The following USH2A variants were observed in gnomAD, a reference collection of about 807,000 sequenced individuals.
USH2A encodes Usher syndrome 2A (autosomal recessive, mild).
USH2A carries 443 observed loss-of-function variants against 538.9 expected under a neutral mutation model. The ratio of observed to expected loss-of-function variants is 0.82; its 90% CI spans 0.76 to 0.89. The LOEUF (loss-of-function observed/expected upper bound fraction) is 0.89, where lower values mean the gene tolerates loss of function less well. USH2A is among the 40% of genes least tolerant of loss of function. The pLI, the probability that USH2A is intolerant of heterozygous loss-of-function variation, is 0.00. For synonymous variants in USH2A, 2,413 were observed against 2,273.5 expected, an observed-to-expected ratio of 1.06 and a Z score of -1.75; for missense variants, 6,633 against 6,324.8, an observed-to-expected ratio of 1.05 and a Z score of -1.65.
At chr1:215,759,489 G>T (rs909006926) in intron 57 of USH2A, among the ~76,000 whole-genome samples, 171 bp downstream of exon 57, 10 of 151,874 alleles carry the variant, frequency 6.6e-5, no homozygotes, top group Admixed American at 2.6e-4. Flanking sequence ...AAGAAATTTC[G>T]TGAAGTCTAA....
chr1:216,278,230 C>T (rs2036707329), intron 11 of USH2A, among the ~76,000 whole-genome samples: 2 of 151,982 alleles, frequency 1.3e-5, no homozygotes, highest in Non-Finnish European at 1.5e-5. Flanking sequence ...GAGCTTGTTC[C>T]CAAAAAGATG....
chr1:215,965,863 G>A (rs946911893), intron 36 of USH2A, among the ~76,000 whole-genome samples: 2 of 151,114 alleles, frequency 1.3e-5, no homozygotes, highest in Non-Finnish European at 2.9e-5. Flanking sequence ...GACTTAGGTG[G>A]TAGACTTCTG....
At chr1:215,788,710 A>C (rs2102768626) in intron 51 of USH2A, among the ~76,000 whole-genome samples, 1 of 152,292 alleles carries the variant, frequency 6.6e-6, no homozygotes, top group East Asian at 1.9e-4. Flanking sequence ...GAATCAAAAT[A>C]TTAATGGAAG....
rs369308504 is a variant in USH2A at position 215,934,692 on chromosome 1, A to G, written c.7224T>C (p.Tyr2408=). 12 of 1,612,750 alleles carry G rather than the reference A, an allele frequency of 7.4e-6. No homozygotes were observed. Among genetic ancestry groups the G allele is most frequent in the South Asian group, 1.1e-5 (1 of 91,070 alleles). Residue 2408 remains tyrosine, a synonymous_variant, in exon 38 of 72, where the codon TAT becomes TAC. Coordinates refer to ENST00000307340, the MANE Select transcript of USH2A (RefSeq NM_206933.4). Reference sequence around the variant, plus strand: ...TATTTGAAATATTCACTTGTACAGTATAGTTGGTAAAAGGAACCAGCCCAT... The same window carrying G: ...TATTTGAAATATTCACTTGTACAGTGTAGTTGGTAAAAGGAACCAGCCCAT... The part of the protein sequence containing the change: ...LIDGLVPFTN[Y]TVQVNISNSQ...
intron 11 of USH2A, among the ~76,000 whole-genome samples, chr1:216,258,561 G>T (rs1348159978): frequency 6.6e-6 from 1 of 151,952 alleles, no homozygotes; most frequent in Non-Finnish European, 1.5e-5. Flanking sequence ...TGAAACACTT[G>T]GCTATATCTC....
intron 38 of USH2A, among the ~76,000 whole-genome samples, chr1:215,915,036 C>A (rs1051176492): frequency 1.3e-5 from 2 of 152,108 alleles, no homozygotes; most frequent in Non-Finnish European, 2.9e-5. Flanking sequence ...GTACACCAGG[C>A]AATGGACTAA....
At chr1:215,802,956 G>C (rs575624686) in intron 49 of USH2A, among the ~76,000 whole-genome samples, 3 of 152,018 alleles carry the variant, frequency 2.0e-5, no homozygotes, top group East Asian at 1.9e-4. Context: ...ATCCTGACAC[G>C]TACGACAACA....
chr1:216,149,851 G>A (rs573708359), intron 21 of USH2A, among the ~76,000 whole-genome samples: 8 of 152,164 alleles, frequency 5.3e-5, no homozygotes, highest in Admixed American at 3.3e-4. Context: ...ACTGCCGTCC[G>A]CCTGCAGGAT....
At chr1:215,758,860 G>A in intron 57 of USH2A, 108 bp from the exon 58 acceptor site, 2 of 1,243,096 alleles carry the variant, frequency 1.6e-6, no homozygotes, top group South Asian at 1.3e-5. Context: ...GTGACAAATT[G>A]CAAACTCTTT....
intron 24 of USH2A, 77 bp from the exon 25 acceptor site, chr1:216,084,954 A>C (rs890287421): frequency 1.4e-6 from 2 of 1,467,552 alleles, no homozygotes; most frequent in African/African-American, 2.8e-5. Flanking sequence ...TGTGCCATTA[A>C]AGTCAAAGAA....
rs1262369321 is a variant in USH2A at position 216,086,823 on chromosome 1, A to G, written c.4886-3T>C. ...ACCATTCAGGATGGCAGAGGAACCT[A>G]GAGAAGAGGAGATGAGAAATACACC... On this transcript the variant is annotated splice_region_variant and splice_polypyrimidine_tract_variant and intron_variant, in intron 23 of 71. Coordinates refer to ENST00000307340, the MANE Select transcript of USH2A (RefSeq NM_206933.4). 1 of 1,605,742 alleles carries G rather than the reference A, an allele frequency of 6.2e-7. No individual in the cohort carries two copies. Among genetic ancestry groups the G allele is most frequent in the South Asian group, 1.1e-5 (1 of 90,892 alleles).
chr1:216,388,230 A>G (rs1315155972), intron 3 of USH2A, among the ~76,000 whole-genome samples: 1 of 152,206 alleles, frequency 6.6e-6, no homozygotes, highest in Non-Finnish European at 1.5e-5. Flanking sequence ...TCAGATTGAG[A>G]AGGGAATAAA....
rs10864198 is a variant in USH2A at position 215,786,825 on chromosome 1, T to G, written c.10232A>C (p.Glu3411Ala). 0.54 allele frequency: 867,763 copies of G among 1,613,422 alleles called. 235,006 individuals are homozygous for G. The highest frequency in any genetic ancestry group is 0.69 in the African/African-American group (51,567 of 74,902). Reference sequence around the variant, plus strand: ...GTTGAAGTCACACCTGCCACAATGTTCTGTGGCTTCCATAGATGCTGGGCA... The same window carrying G: ...GTTGAAGTCACACCTGCCACAATGTGCTGTGGCTTCCATAGATGCTGGGCA... ...ILCPASMEAT[E>A]HCGRCDFNFT... The change falls in exon 52 of 72, where the codon GAA (glutamate) becomes GCA (alanine). Residue 3411 changes from glutamate (E) to alanine (A), a missense_variant. Physicochemically the swap from Glu to Ala is moderately radical, Grantham distance 107. Coordinates refer to ENST00000307340, the MANE Select transcript of USH2A (RefSeq NM_206933.4).
At chr1:216,037,682 T>G (rs2030051463) in intron 32 of USH2A, among the ~76,000 whole-genome samples, 1 of 151,938 alleles carries the variant, frequency 6.6e-6, no homozygotes, top group African/African-American at 2.4e-5. Flanking sequence ...TCACTCAACT[T>G]TTTTTTAACT....
chr1:215,653,187 C>G (rs185271888), intron 64 of USH2A, among the ~76,000 whole-genome samples: 1 of 152,122 alleles, frequency 6.6e-6, no homozygotes, highest in South Asian at 2.1e-4. Context: ...TCCTGTGTTA[C>G]GTGAACTTCT....
At chr1:216,321,745 T>A (rs1260634457) in intron 9 of USH2A, 138 bp downstream of exon 9, 2 of 749,660 alleles carry the variant, frequency 2.7e-6, no homozygotes, top group East Asian at 5.4e-5. Flanking sequence ...TTAAAAAATC[T>A]GCAATAATTG....
chr1:215,732,235 G>T (rs943691014), intron 60 of USH2A, among the ~76,000 whole-genome samples: 9 of 152,162 alleles, frequency 5.9e-5, no homozygotes, highest in Non-Finnish European at 1.2e-4. Context: ...TCAAGTTTTT[G>T]GTGTGAGTAG....
chr1:215,732,001 C>T (rs1035991633), intron 60 of USH2A, among the ~76,000 whole-genome samples: 16 of 152,126 alleles, frequency 1.1e-4, no homozygotes. Flanking sequence ...TAGAGTATAA[C>T]AAACCTCTGA....
intron 64 of USH2A, among the ~76,000 whole-genome samples, chr1:215,660,810 T>C (rs984700336): frequency 4.6e-5 from 7 of 152,182 alleles, no homozygotes; most frequent in Non-Finnish European, 8.8e-5. Flanking sequence ...TAGATGCTTA[T>C]AGGCATATTA....
Sources: allele counts gnomAD v4.1 joint callset (sites outside exome capture counted in the v4.1 genomes callset), GRCh38; gene constraint gnomAD v4.1.1; transcripts MANE v1.5; gene names NCBI Gene and HGNC (gene_info 2026-07-23, HGNC 2026-07-21).